The following NOTCH4 variants were observed in gnomAD, a reference collection of about 807,000 sequenced individuals.
The protein encoded by NOTCH4 is neurogenic locus notch homolog protein 4.
A neutral mutation model predicts 189.0 loss-of-function variants in NOTCH4; 138 were observed. The ratio of observed to expected loss-of-function variants is 0.73; its 90% CI spans 0.64 to 0.84. NOTCH4 has a LOEUF of 0.84. Ranked by LOEUF, NOTCH4 falls within the 40% of genes least tolerant of loss-of-function variation. The pLI is 0.00. For missense variants in NOTCH4, 2,286 were observed against 2,605.4 expected, an observed-to-expected ratio of 0.88 and a Z score of 2.67; for synonymous variants, 942 against 1,032.8, an observed-to-expected ratio of 0.91 and a Z score of 1.69.
intron 18 of NOTCH4, among the ~76,000 whole-genome samples, 153 bp from the exon 19 acceptor site, chr6:32,204,542 T>C (rs1264619577): frequency 6.6e-6 from 1 of 152,146 alleles, no homozygotes; most frequent in Non-Finnish European, 1.5e-5. Flanking sequence ...GTCACAATCC[T>C]TCTATCTCAA....
At chr6:32,219,310 G>T (rs1789602908) in intron 8 of NOTCH4, among the ~76,000 whole-genome samples, 1 of 152,200 alleles carries the variant, frequency 6.6e-6, no homozygotes, top group Non-Finnish European at 1.5e-5. Context: ...TTGCTGGGCT[G>T]CTGTGTACAG....
chr6:32,219,617 G>T lies in NOTCH4; in HGVS notation c.1485C>A (p.Ala495=), dbSNP rs940337323. 1.2e-6 allele frequency: 2 copies of T among 1,613,010 alleles called. No individual in the cohort carries two copies. Among genetic ancestry groups the T allele is most frequent in the Non-Finnish European group, 1.7e-6 (2 of 1,179,974 alleles). ...CTGGCGGGCAGAGGCAGTGGAAGGT[G>T]GCAAGTAGGTCCAGACAGGTGCTTC... ...HPGSTCLDLL[A]TFHCLCPPGL... is the part of the protein sequence containing the mutation. Residue 495 remains alanine, a synonymous_variant, in exon 8 of 30, where the codon GCC becomes GCA. Transcript: ENST00000375023.
Position 32,198,965 on chromosome 6 carries a change from C to T in NOTCH4, c.4496G>A (p.Arg1499Gln), listed in dbSNP as rs369417177. 2.0e-5 allele frequency: 32 copies of T among 1,601,642 alleles called. No individual in the cohort carries two copies. The highest frequency in any genetic ancestry group is 2.5e-5 in the Non-Finnish European group (29 of 1,173,512). The change falls in exon 24 of 30, where the codon CGA (arginine) becomes CAA (glutamine). Residue 1499 changes from arginine (R) to glutamine (Q), a missense_variant. Arg to Gln is a conservative substitution (Grantham distance 43, BLOSUM62 1). Transcript: ENST00000375023. The surrounding 1 kb of genome is among the most constrained non-coding windows in gnomAD (Gnocchi z 5.5). The stretch of plus-strand genomic sequence containing the variant: ...GTCCTCGCCTAGTGGGGGCCGGCGT[C>T]GGTGGGGAGCTGACTGAGTCCGAGG... ...RRPRTQSAPHRRRPPLGEDSI... is the reference protein window; with the variant it reads ...RRPRTQSAPHQRRPPLGEDSI...
At position 32,195,631 on chromosome 6, in the gene NOTCH4, G is replaced by C. The variant is rs764021089; in HGVS notation, c.5818C>G (p.Arg1940Gly). ...MRGRYGVAAG[R>G]GGRVSTDDWP... is the part of the protein sequence containing the mutation. ...TCATCCGTTGAGACCCTGCCTCCGCGCCCGGCAGCCACTCCGTATCTTCCT... is the reference window on the plus strand; with the variant it reads ...TCATCCGTTGAGACCCTGCCTCCGCCCCCGGCAGCCACTCCGTATCTTCCT... The change falls in exon 30 of 30, where the codon CGC becomes GGC. Residue 1940 changes from arginine (R) to glycine (G), a missense_variant. By Grantham distance (125) the Arg-to-Gly change is moderately radical. This residue lies in a region of NOTCH4 where 383 missense variants were observed against 343.5 expected (regional missense o/e 1.11). Coordinates refer to ENST00000375023, the MANE Select transcript of NOTCH4 (RefSeq NM_004557.4). The surrounding 1 kb of genome is among the most constrained non-coding windows in gnomAD (Gnocchi z 5.4). The C allele has an allele frequency of 6.2e-7, 1 of 1,612,928 alleles. No individual in the cohort carries two copies. Among genetic ancestry groups the C allele is most frequent in the South Asian group, 1.1e-5 (1 of 91,066 alleles).
Position 32,219,820 on chromosome 6 carries a change from G to A in NOTCH4, c.1316-34C>T, listed in dbSNP as rs1464836027. 3.8e-6 allele frequency: 6 copies of A among 1,577,844 alleles called. 1 individual carries two copies. The highest frequency in any genetic ancestry group is 1.3e-5 in the African/African-American group (1 of 74,382). On this transcript the variant is annotated intron_variant, in intron 7 of 29. Coordinates refer to ENST00000375023, the MANE Select transcript of NOTCH4 (RefSeq NM_004557.4). The stretch of plus-strand genomic sequence containing the variant: ...AGAGAAGAGCTGGGAGTCCACAGGG[G>A]TCAGGGCAGGAAGGGCAAGGAGGTG...
In NOTCH4 at chr6:32,202,090, G is replaced by C; in HGVS notation, c.3741C>G (p.Thr1247=). Residue 1247 remains threonine (T), a synonymous_variant, in exon 21 of 30, where the codon ACC becomes ACG. Coordinates refer to ENST00000375023, the MANE Select transcript of NOTCH4 (RefSeq NM_004557.4). The surrounding 1 kb of genome is among the most constrained non-coding windows in gnomAD (Gnocchi z 5.7). ...TTCAGGCTCACGTGCAGGCTGGAGG[G>C]GTCTCACAGTCGTAGCCATCAAACA... ...ECLFDGYDCE[T]PPACTPAYDQ... is the part of the protein sequence containing the mutation. 2 of 1,473,938 alleles carry C rather than the reference G, an allele frequency of 1.4e-6. No individual in the cohort carries two copies. Among genetic ancestry groups the C allele is most frequent in the Non-Finnish European group, 1.8e-6 (2 of 1,106,714 alleles). The allele number at this position is 1,473,938 out of a possible 1,614,324, so 91.3% of individuals were successfully genotyped here. A position where few individuals can be genotyped will look rare whatever the true frequency, so the allele number is the denominator to read the frequency against.
chr6:32,220,030 G>A (rs1285689519), intron 7 of NOTCH4, 99 bp downstream of exon 7: 13 of 1,387,228 alleles, frequency 9.4e-6, no homozygotes, highest in Non-Finnish European at 1.3e-5. Context: ...GGAAAAAGAT[G>A]TTTGGTTTTT....
rs199620631 is a variant in NOTCH4, at chr6:32,212,591, G to A, written c.2563C>T (p.Arg855Cys). ...MDLCAQKPCP[R>C]NSHCLQTGPS... ...CCAGTCTGGAGGCAGTGGGAATTGC[G>A]TGGGCAGGGCTTCTGGGCACATAAG... The change falls in exon 17 of 30, where the codon CGC becomes TGC. Residue 855 changes from arginine (R) to cysteine (C), a missense_variant. Transcript: ENST00000375023. This position sits in a 1 kb window ranked among gnomAD's most constrained non-coding sequence, Gnocchi z 4.4. 511 of 1,613,080 alleles carry A rather than the reference G, an allele frequency of 3.2e-4. No homozygotes were observed. The highest frequency in any genetic ancestry group is 4.2e-4 in the Non-Finnish European group (500 of 1,179,926).
Position 32,195,353 on chromosome 6 carries a change from G to T in NOTCH4, c.*84C>A, listed in dbSNP as rs1416846465. ...AAACTCACAACCCTTCATTTTGGGG[G>T]ATCCATCTTAAAACCAGGAAGGCCT... On this transcript the variant is annotated 3_prime_UTR_variant, in exon 30 of 30. Coordinates refer to ENST00000375023, the MANE Select transcript of NOTCH4 (RefSeq NM_004557.4). The surrounding 1 kb of genome is among the most constrained non-coding windows in gnomAD (Gnocchi z 5.4). 24 of 1,299,408 alleles carry T rather than the reference G, an allele frequency of 1.8e-5. No homozygotes were observed. Among genetic ancestry groups the T allele is most frequent in the Non-Finnish European group, 2.4e-5 (23 of 949,380 alleles). 80.5% of individuals were successfully genotyped at this position (1,299,408 alleles called of 1,614,324 possible).
Position 32,210,368 on chromosome 6 carries a change from G to A in NOTCH4, c.2865+384C>T, listed in dbSNP as rs965613626. 6.6e-6 allele frequency among the ~76,000 whole-genome samples: 1 copy of A among 152,076 alleles called. No homozygotes were observed. The highest frequency in any genetic ancestry group is 6.5e-5 in the Admixed American group (1 of 15,272). The stretch of plus-strand genomic sequence containing the variant: ...CCTTGGACTTTATTCAGAATGAGGC[G>A]GGCAGCCTCCGAAGGTTCAGCAGGG... On this transcript the variant is annotated intron_variant, in intron 18 of 29. Transcript: ENST00000375023. This position sits in a 1 kb window ranked among gnomAD's most constrained non-coding sequence, Gnocchi z 4.8.
intron 11 of NOTCH4, among the ~76,000 whole-genome samples, 164 bp from the exon 12 acceptor site, chr6:32,215,549 A>G (rs1175611623): frequency 6.6e-6 from 1 of 152,100 alleles, no homozygotes; most frequent in Non-Finnish European, 1.5e-5. Flanking sequence ...CCTTTAAGAT[A>G]TTGTTTAACT....
At chr6:32,204,053 C>T (rs751166759) in intron 19 of NOTCH4, 84 bp downstream of exon 19, 820 of 1,561,100 alleles carry the variant, frequency 5.3e-4, no homozygotes, top group Admixed American at 6.2e-4. Context: ...TGACGGCTGC[C>T]GCATGGGTGG....
At position 32,215,224 on chromosome 6, in the gene NOTCH4, A is replaced by G. The variant is rs143104204; in HGVS notation, c.2021+2T>C. The G allele has an allele frequency of 1.3e-6, 2 of 1,593,190 alleles. No individual in the cohort carries two copies. The highest frequency in any genetic ancestry group is 2.3e-5 in the South Asian group (2 of 87,006). ...AGATGGGGAGGGTCTGGAAGATGTT[A>G]CCTCTGGCAGTGCCCGTGGTGGCAG... On this transcript the variant is annotated splice_donor_variant, in intron 12 of 29. Transcript: ENST00000375023. LOFTEE classifies it high-confidence loss of function.
Position 32,198,979 on chromosome 6 carries a change from C to T in NOTCH4, c.4482G>A (p.Gln1494=). The T allele has an allele frequency of 6.2e-7, 1 of 1,608,952 alleles. No homozygotes were observed. The change falls in exon 24 of 30, where the codon CAG becomes CAA. Residue 1494 remains glutamine, a synonymous_variant. Coordinates refer to ENST00000375023, the MANE Select transcript of NOTCH4 (RefSeq NM_004557.4). The surrounding 1 kb of genome is among the most constrained non-coding windows in gnomAD (Gnocchi z 5.5). ...GGGGCCGGCGTCGGTGGGGAGCTGA[C>T]TGAGTCCGAGGCCGTCGAGTGAAAC... ...PPGFTRRPRT[Q]SAPHRRRPPL...
At chr6:32,218,775 C>T (rs1789572662) in intron 8 of NOTCH4, among the ~76,000 whole-genome samples, 1 of 152,170 alleles carries the variant, frequency 6.6e-6, no homozygotes, top group Admixed American at 6.5e-5. Context: ...GAGCCAGTAT[C>T]TTTGGGTGCC....
intron 8 of NOTCH4, among the ~76,000 whole-genome samples, chr6:32,218,487 T>C (rs436388): frequency 0.6 from 91,702 of 151,982 alleles, 27,798 homozygotes; most frequent in Middle Eastern, 0.67. Flanking sequence ...TCTCCCTGGG[T>C]GGGCCTCCAT....
rs1470639650 is a variant in NOTCH4, at chr6:32,212,200, G to A, written c.2680+274C>T. ...ACAGAGTTGAGTTGCTCCACGTTGA[G>A]TCATGTCCCTCATGGTTGGGTTAAA... On this transcript the variant is annotated intron_variant, in intron 17 of 29. Transcript: ENST00000375023. This position sits in a 1 kb window ranked among gnomAD's most constrained non-coding sequence, Gnocchi z 4.4. 6.6e-6 allele frequency among the ~76,000 whole-genome samples: 1 copy of A among 152,156 alleles called. No homozygotes were observed. Among genetic ancestry groups the A allele is most frequent in the Non-Finnish European group, 1.5e-5 (1 of 68,038 alleles).
chr6:32,200,116 A>G lies in NOTCH4; in HGVS notation c.4315+715T>C, dbSNP rs143301103. Among the ~76,000 whole-genome samples the G allele has an allele frequency of 4.5e-4, 69 of 152,352 alleles. No homozygotes were observed. The highest frequency in any genetic ancestry group is 3.4e-3 in the Middle Eastern group (1 of 294). On this transcript the variant is annotated intron_variant, in intron 23 of 29. Transcript: ENST00000375023. This position sits in a 1 kb window ranked among gnomAD's most constrained non-coding sequence, Gnocchi z 5.0. ...CATTTCAGATAAGGGATACTCAACC[A>G]GCAGTACGTGCCTCATGGGGTTGTG...
At chr6:32,207,345 C>T (rs189988479) in intron 18 of NOTCH4, among the ~76,000 whole-genome samples, 3 of 149,184 alleles carry the variant, frequency 2.0e-5, no homozygotes, top group East Asian at 2.1e-4. Flanking sequence ...AAACCTAGGC[C>T]GGGCGGGGTG....
Sources: gnomAD v4.1 joint callset for allele counts (sites outside exome capture counted in the v4.1 genomes callset) on GRCh38, gnomAD v4.1.1 for gene constraint, gnomAD v4.1.1 regional missense constraint, Gnocchi (gnomAD v3.1) non-coding constraint, MANE v1.5 for transcripts, NCBI Gene and HGNC (gene_info 2026-07-23, HGNC 2026-07-21) for gene names.